SLC26A8: variants seen among roughly 807,000 people sequenced by gnomAD.
SLC26A8 encodes the protein solute carrier family 26 member 8, also known as testis anion transporter 1.
Under a neutral mutation model 105.0 loss-of-function variants are expected in SLC26A8, and 70 were observed. That is an observed-to-expected ratio of 0.67 (90% CI 0.55 to 0.81). SLC26A8 has a LOEUF of 0.81. Among genes scored for constraint, SLC26A8 ranks in the 40% least tolerant of loss-of-function variants. The pLI, the probability that SLC26A8 is intolerant of heterozygous loss-of-function variation, is 0.00. For synonymous variants in SLC26A8, 415 were observed against 438.3 expected (o/e 0.95, Z 0.66); for missense variants, 998 against 1,181.8 (o/e 0.84, Z 2.28).
intron 3 of SLC26A8, 29 bp downstream of exon 3, chr6:36,012,204 T>C: frequency 6.2e-7 from 1 of 1,606,914 alleles, no homozygotes; most frequent in Non-Finnish European, 8.5e-7. Context: ...ACATTGTCTT[T>C]GGATGAACAG....
chr6:35,977,789 G>A (rs1246744904), intron 8 of SLC26A8, among the ~76,000 whole-genome samples: 1 of 152,004 alleles, frequency 6.6e-6, no homozygotes, highest in Admixed American at 6.6e-5. Flanking sequence ...ATACGGCTGG[G>A]TGCGGTGGCA....
intron 9 of SLC26A8, among the ~76,000 whole-genome samples, chr6:35,975,983 A>G (rs1773003827): frequency 6.6e-6 from 1 of 151,992 alleles, no homozygotes; most frequent in African/African-American, 2.4e-5. Flanking sequence ...AAACCAAATC[A>G]TCATTTTAGC....
At chr6:35,980,568 C>T (rs368418942) in intron 8 of SLC26A8, among the ~76,000 whole-genome samples, 2 of 152,078 alleles carry the variant, frequency 1.3e-5, no homozygotes, top group Admixed American at 6.6e-5. Flanking sequence ...GGACAGAGAT[C>T]GTGTCTTGCT....
intron 12 of SLC26A8, among the ~76,000 whole-genome samples, chr6:35,962,092 G>C (rs757004136): frequency 1.3e-5 from 2 of 152,088 alleles, no homozygotes; most frequent in Non-Finnish European, 2.9e-5. Flanking sequence ...CGGGCATGGT[G>C]GTGGGCTCCT....
chr6:35,943,988 T>C lies in SLC26A8; in HGVS notation c.2825A>G (p.Gln942Arg). ...YHPSMASTQS[Q>R]TQTRTWSVER... ...CACTGACCATGTCCGAGTCTGAGTCTGAGACTGGGTGGAAGCCATAGACGG... is the reference window on the plus strand; with the variant it reads ...CACTGACCATGTCCGAGTCTGAGTCCGAGACTGGGTGGAAGCCATAGACGG... Residue 942 changes from glutamine (Q) to arginine (R), a missense_variant, in exon 20 of 20, where the codon CAG (glutamine) becomes CGG (arginine). Gln to Arg is a conservative substitution (Grantham distance 43). Coordinates refer to ENST00000490799, the MANE Select transcript of SLC26A8 (RefSeq NM_052961.4). 3 of 1,614,208 alleles carry C rather than the reference T, an allele frequency of 1.9e-6. No homozygotes were observed. Among genetic ancestry groups the C allele is most frequent in the Non-Finnish European group, 2.5e-6 (3 of 1,180,030 alleles).
intron 3 of SLC26A8, among the ~76,000 whole-genome samples, chr6:36,003,565 C>T (rs547669357): frequency 3.3e-5 from 5 of 152,220 alleles, no homozygotes; most frequent in Admixed American, 6.5e-5. Context: ...CAAACACTTA[C>T]GTAAGTACCA....
chr6:35,943,615 GATGTGGGGTGTGTGAAGA>G lies in SLC26A8; in HGVS notation c.*267_*284del, dbSNP rs1352119123. ...GAGATGGTCTGGCACAAAGCCCAGA[GATGTGGGGTGTGTGAAGA>G]AGGAAATTCATGACTAGAATATATG... On this transcript the variant is annotated 3_prime_UTR_variant, in exon 20 of 20. Transcript: ENST00000490799. 6.2e-5 allele frequency: 24 copies of G among 388,712 alleles called. No homozygotes were observed. Among genetic ancestry groups the G allele is most frequent in the African/African-American group, 4.2e-4 (21 of 49,822 alleles). 24.1% of individuals were successfully genotyped at this position (388,712 alleles called of 1,614,324 possible).
Position 35,981,832 on chromosome 6 carries a change from C to G in SLC26A8, c.1025+289G>C, listed in dbSNP as rs1004613277. On this transcript the variant is annotated intron_variant, in intron 8 of 19. Transcript: ENST00000490799. This position sits in a 1 kb window ranked among gnomAD's most constrained non-coding sequence, Gnocchi z 4.0. ...CAGAGAGGTATAGTAGTTGAGAAGGCCTATCATGTGCTATGAAAAAAAACA... is the reference window on the plus strand; with the variant it reads ...CAGAGAGGTATAGTAGTTGAGAAGGGCTATCATGTGCTATGAAAAAAAACA... 5.9e-5 allele frequency among the ~76,000 whole-genome samples: 9 copies of G among 152,094 alleles called. No homozygotes were observed. The highest frequency in any genetic ancestry group is 1.2e-4 in the Non-Finnish European group (8 of 68,016).
At chr6:35,991,937 G>A (rs1761178768) in intron 6 of SLC26A8, 129 bp from the exon 7 acceptor site, 6 of 890,886 alleles carry the variant, frequency 6.7e-6, no homozygotes, top group African/African-American at 1.7e-5. Context: ...GGTCTTTATG[G>A]GTATTACTAG....
intron 7 of SLC26A8, among the ~76,000 whole-genome samples, chr6:35,985,857 C>A (rs2127340387): frequency 6.6e-6 from 1 of 151,648 alleles, no homozygotes; most frequent in East Asian, 1.9e-4. Flanking sequence ...ACATTGTTTC[C>A]CGAGCTCTAG....
chr6:35,960,624 G>A (rs1772271131), intron 14 of SLC26A8: 2 of 585,432 alleles, frequency 3.4e-6, no homozygotes, highest in Admixed American at 3.1e-5. Flanking sequence ...CCACTGCACT[G>A]TACTGTCCAG....
rs771634396 is a variant in SLC26A8 at position 35,982,156 on chromosome 6, T to A, written c.990A>T (p.Glu330Asp). The A allele has an allele frequency of 1.2e-6, 2 of 1,614,174 alleles. No individual in the cohort carries two copies. Among genetic ancestry groups the A allele is most frequent in the South Asian group, 2.2e-5 (2 of 91,076 alleles). Reference protein sequence around the residue: ...VIANKISMATETSQTLIDMIP... With the variant: ...VIANKISMATDTSQTLIDMIP... ...TCATGTCAATAAGCGTCTGGCTGGT[T>A]TCTGTGGCCATGCTTATCTTGTTTG... Residue 330 changes from glutamate (E) to aspartate (D), a missense_variant, in exon 8 of 20, where the codon GAA (glutamate) becomes GAT (aspartate). By Grantham distance (45) the Glu-to-Asp change is conservative (BLOSUM62 2). Transcript: ENST00000490799.
chr6:36,018,741 G>T (rs966808686), intron 2 of SLC26A8, among the ~76,000 whole-genome samples: 1 of 152,168 alleles, frequency 6.6e-6, no homozygotes, highest in Non-Finnish European at 1.5e-5. Flanking sequence ...ACTGCTAGAA[G>T]GTTCAAAGCA....
At chr6:35,967,568 ATACTGAGT>A (rs1275325339) in intron 11 of SLC26A8, among the ~76,000 whole-genome samples, 2 of 152,212 alleles carry the variant, frequency 1.3e-5, no homozygotes, top group Non-Finnish European at 2.9e-5. Context: ...TGCTGGCTGA[ATACTGAGT>A]TAAGACACAA....
chr6:36,014,897 A>C (rs1385347610), intron 2 of SLC26A8, among the ~76,000 whole-genome samples: 4 of 151,834 alleles, frequency 2.6e-5, no homozygotes, highest in Admixed American at 6.6e-5. Flanking sequence ...GAGAAAAAAA[A>C]CCTCACTTAT....
Position 35,951,286 on chromosome 6 carries a change from C to T in SLC26A8, c.2349G>A (p.Gln783=), listed in dbSNP as rs1771862231. Residue 783 remains glutamine (Q), a synonymous_variant, in exon 19 of 20, where the codon CAG becomes CAA. Coordinates refer to ENST00000490799, the MANE Select transcript of SLC26A8 (RefSeq NM_052961.4). Reference sequence around the variant, plus strand: ...CGGCGTCGTGAACGCTGAGGAACAGCTGGGTCTTGGTGATGCCAGCGTCAA... The same window carrying T: ...CGGCGTCGTGAACGCTGAGGAACAGTTGGGTCTTGGTGATGCCAGCGTCAA... ...DFFDAGITKT[Q]LFLSVHDAVL... The T allele has an allele frequency of 6.2e-7, 1 of 1,614,146 alleles. No individual in the cohort carries two copies. Among genetic ancestry groups the T allele is most frequent in the Non-Finnish European group, 8.5e-7 (1 of 1,180,034 alleles).
intron 10 of SLC26A8, chr6:35,969,202 G>A: frequency 2.2e-6 from 1 of 450,284 alleles, no homozygotes; most frequent in Non-Finnish European, 4.1e-6. Flanking sequence ...GTTGTCCTGG[G>A]CATTTGAATC....
chr6:35,999,964 C>T (rs766100140), intron 4 of SLC26A8, 28 bp downstream of exon 4: 35 of 1,428,882 alleles, frequency 2.4e-5, no homozygotes, highest in Admixed American at 8.5e-5. Flanking sequence ...CTTCATCCAC[C>T]GCATGTGTAT....
At position 35,977,274 on chromosome 6, in the gene SLC26A8, C is replaced by G; in HGVS notation, c.1103G>C (p.Ser368Thr). 6.2e-7 allele frequency: 1 copy of G among 1,613,990 alleles called. No homozygotes were observed. The highest frequency in any genetic ancestry group is 8.5e-7 in the Non-Finnish European group (1 of 1,179,984). The change falls in exon 9 of 20, where the codon AGC (serine) becomes ACC (threonine). Residue 368 changes from serine (S) to threonine (T), a missense_variant. Ser to Thr is a moderately conservative substitution (Grantham distance 58). Coordinates refer to ENST00000490799, the MANE Select transcript of SLC26A8 (RefSeq NM_052961.4). Reference sequence around the variant, plus strand: ...GCCCAGAAATATGAGCAGAAAGGAGCTCACCAAAGATAAGGAGAAGGCTTG... The same window carrying G: ...GCCCAGAAATATGAGCAGAAAGGAGGTCACCAAAGATAAGGAGAAGGCTTG... Reference protein sequence around the residue: ...ILQAFSLSLVSSFLLIFLGKK... With the variant: ...ILQAFSLSLVTSFLLIFLGKK...
Sources: allele counts gnomAD v4.1 joint callset (sites outside exome capture counted in the v4.1 genomes callset), GRCh38; gene constraint gnomAD v4.1.1; non-coding constraint Gnocchi (gnomAD v3.1); transcripts MANE v1.5; gene names NCBI Gene and HGNC (gene_info 2026-07-23, HGNC 2026-07-21).